Variants in SLC2A4RG observed in about 807,000 individuals in gnomAD.
SLC2A4RG encodes the protein SLC2A4 regulator.
In SLC2A4RG, 23 loss-of-function variants were observed where a neutral mutation model predicts 35.5. The ratio of observed to expected loss-of-function variants is 0.65; its 90% CI spans 0.47 to 0.92. SLC2A4RG has a LOEUF of 0.92. Among genes scored for constraint, SLC2A4RG ranks in the 40% least tolerant of loss-of-function variants. The probability of loss-of-function intolerance (pLI) is 0.00; values close to 1 mark genes in which losing one functional copy is unlikely to be tolerated. For synonymous variants in SLC2A4RG, 306 were observed against 243.7 expected, an observed-to-expected ratio of 1.26 and a Z score of -2.38; for missense variants, 539 against 525.0, an observed-to-expected ratio of 1.03 and a Z score of -0.26.
Position 63,742,548 on chromosome 20 carries a change from T to TGCCCCCGCCCCC in SLC2A4RG, c.894_905dup (p.Pro299_Pro302dup), listed in dbSNP as rs1568813808. ...CCCCTGCGGCCGCCTGCCCCGCCCC[T>TGCCCCCGCCCCC]GCCCCCGCCCCCTGTCCTGAGCACC... On this transcript the variant is annotated inframe_insertion, in exon 6 of 8. Coordinates refer to ENST00000266077, the MANE Select transcript of SLC2A4RG (RefSeq NM_020062.4). The TGCCCCCGCCCCC allele has an allele frequency of 3.9e-6, 6 of 1,524,166 alleles. No homozygotes were observed. The highest frequency in any genetic ancestry group is 3.7e-5 in the Admixed American group (2 of 54,086). The allele number at this position is 1,524,166 out of a possible 1,614,324, so 94.4% of individuals were successfully genotyped here.
rs2145724366 is a variant in SLC2A4RG at position 63,742,946 on chromosome 20, A to G, written c.1120A>G (p.Thr374Ala). 1.9e-6 allele frequency: 3 copies of G among 1,612,168 alleles called. No individual in the cohort carries two copies. Among genetic ancestry groups the G allele is most frequent in the Non-Finnish European group, 2.5e-6 (3 of 1,179,536 alleles). ...CATGGAGCGCCGGGACCTCTGGTGC[A>G]CAGCCTGCCGCTGGAAGAAAGCCTG... is the stretch of plus-strand genomic sequence containing the variant. ...YGMERRDLWCTACRWKKACQR... is the reference protein window; with the variant it reads ...YGMERRDLWCAACRWKKACQR... The change falls in exon 8 of 8, where the codon ACA (threonine) becomes GCA (alanine). Residue 374 changes from threonine (T) to alanine (A), a missense_variant. Transcript: ENST00000266077.
At position 63,742,745 on chromosome 20, in the gene SLC2A4RG, G is replaced by A. The variant is rs1382471542; in HGVS notation, c.1007G>A (p.Gly336Glu). The A allele has an allele frequency of 8.8e-6, 14 of 1,595,818 alleles. No homozygotes were observed. The highest frequency in any genetic ancestry group is 1.2e-5 in the Non-Finnish European group (14 of 1,172,638). Residue 336 changes from glycine (G) to glutamate (E), a missense_variant, in exon 7 of 8, where the codon GGA becomes GAA. Gly to Glu is a moderately conservative substitution (Grantham distance 98). Transcript: ENST00000266077. ...CTGGAGCCGCAGCCCACGGAGGTCG[G>A]AGCCTGCCCACCCGCCTTGTCCTCC... Reference protein sequence around the residue: ...ARLEPQPTEVGACPPALSSRI... With the variant: ...ARLEPQPTEVEACPPALSSRI...
In SLC2A4RG at chr20:63,743,231, A is replaced by C; in HGVS notation, c.*241A>C. The C allele has an allele frequency of 3.3e-5, 13 of 391,652 alleles. No individual in the cohort carries two copies. Among genetic ancestry groups the C allele is most frequent in the East Asian group, 8.7e-5 (2 of 22,994 alleles). The allele number at this position is 391,652 out of a possible 1,614,324, so 24.3% of individuals were successfully genotyped here. On this transcript the variant is annotated 3_prime_UTR_variant, in exon 8 of 8. Coordinates refer to ENST00000266077, the MANE Select transcript of SLC2A4RG (RefSeq NM_020062.4). ...GCTTTTTGCACTAAAGCCAAACCACACCGCTGTCCCCTTAGCCCCAAGGGC... is the reference window on the plus strand; with the variant it reads ...GCTTTTTGCACTAAAGCCAAACCACCCCGCTGTCCCCTTAGCCCCAAGGGC...
At chr20:63,741,521 A>C (rs761520872) in intron 3 of SLC2A4RG, 42 bp downstream of exon 3, 1 of 1,561,070 alleles carries the variant, frequency 6.4e-7, no homozygotes, top group Admixed American at 1.7e-5. Context: ...GGGTGGGGAC[A>C]GGGCTCAGAA....
chr20:63,743,009 C>G lies in SLC2A4RG; in HGVS notation c.*19C>G. On this transcript the variant is annotated 3_prime_UTR_variant, in exon 8 of 8. Transcript: ENST00000266077. ...GGACTAAGTCCGGCTCGTTCAAGAA[C>G]ATAAGCTACCACCTTCTCCCTCCCC... 8.9e-6 allele frequency: 14 copies of G among 1,580,306 alleles called. No individual in the cohort carries two copies. The highest frequency in any genetic ancestry group is 1.1e-5 in the Non-Finnish European group (13 of 1,160,186).
chr20:63,740,325 C>T (rs1282700298), intron 1 of SLC2A4RG, 52 bp from the exon 2 acceptor site: 6 of 1,145,146 alleles, frequency 5.2e-6, no homozygotes, highest in East Asian at 6.6e-5. Context: ...GTTGAGGGAC[C>T]CCCCTCCCCC....
In SLC2A4RG at chr20:63,742,607, G is replaced by C. The variant is rs557487359; in HGVS notation, c.952G>C (p.Val318Leu). 47 of 1,575,938 alleles carry C rather than the reference G, an allele frequency of 3.0e-5. No homozygotes were observed. In the South Asian group the frequency reaches 4.6e-4, roughly 16 times the overall value. Residue 318 changes from valine (V) to leucine (L), a missense_variant, in exon 6 of 8, where the codon GTC becomes CTC. By Grantham distance (32) the Val-to-Leu change is conservative (BLOSUM62 1). Coordinates refer to ENST00000266077, the MANE Select transcript of SLC2A4RG (RefSeq NM_020062.4). ...ANPQSCHSDR[V>L]YQGCLTPARL... ...CCCCCAGTCCTGTCACAGTGACCGTGTCTACCAGGTGGGTGAGGCCACGGG... is the reference window on the plus strand; with the variant it reads ...CCCCCAGTCCTGTCACAGTGACCGTCTCTACCAGGTGGGTGAGGCCACGGG...
rs201680132 is a variant in SLC2A4RG at position 63,742,465 on chromosome 20, G to C, written c.810G>C (p.Pro270=). The change falls in exon 6 of 8, where the codon CCG becomes CCC. Residue 270 remains proline, a synonymous_variant. Coordinates refer to ENST00000266077, the MANE Select transcript of SLC2A4RG (RefSeq NM_020062.4). The part of the protein sequence containing the change: ...LTPVSPTASM[P]PAFPRLELPE... ...CAGTGTCCCCCACGGCCTCCATGCC[G>C]CCTGCCTTCCCCCGCCTGGAGCTGC... 6.3e-6 allele frequency: 10 copies of C among 1,593,440 alleles called. No individual in the cohort carries two copies. Among genetic ancestry groups the C allele is most frequent in the Non-Finnish European group, 8.5e-6 (10 of 1,170,736 alleles).
In SLC2A4RG at chr20:63,743,035, A is replaced by C; in HGVS notation, c.*45A>C. On this transcript the variant is annotated 3_prime_UTR_variant, in exon 8 of 8. Coordinates refer to ENST00000266077, the MANE Select transcript of SLC2A4RG (RefSeq NM_020062.4). ...ATAAGCTACCACCTTCTCCCTCCCC[A>C]CCCCCTCCAGGCCCGGGGCTGAAAC... 2.5e-5 allele frequency: 31 copies of C among 1,224,548 alleles called. No homozygotes were observed. The highest frequency in any genetic ancestry group is 2.7e-5 in the Non-Finnish European group (25 of 940,568). 75.9% of individuals were successfully genotyped at this position (1,224,548 alleles called of 1,614,324 possible). A position where few individuals can be genotyped will look rare whatever the true frequency, so the allele number is the denominator to read the frequency against.
Position 63,742,115 on chromosome 20 carries a change from C to G in SLC2A4RG, c.580-15C>G, listed in dbSNP as rs757569741. 6.2e-7 allele frequency: 1 copy of G among 1,602,848 alleles called. No individual in the cohort carries two copies. Among genetic ancestry groups the G allele is most frequent in the Admixed American group, 1.7e-5 (1 of 58,816 alleles). On this transcript the variant is annotated splice_polypyrimidine_tract_variant and intron_variant, in intron 4 of 7. Coordinates refer to ENST00000266077, the MANE Select transcript of SLC2A4RG (RefSeq NM_020062.4). ...GTGTGGCGGCTGAGCCTGACCCTGGCCCCTGTTGCTGCAGAGCCCGGCCCA... is the reference window on the plus strand; with the variant it reads ...GTGTGGCGGCTGAGCCTGACCCTGGGCCCTGTTGCTGCAGAGCCCGGCCCA...
At chr20:63,741,708 C>A (rs2145722540) in intron 3 of SLC2A4RG, among the ~76,000 whole-genome samples, 161 bp from the exon 4 acceptor site, 1 of 152,352 alleles carries the variant, frequency 6.6e-6, no homozygotes. Context: ...TCTGCCAACC[C>A]TTTCCTGTGC....
chr20:63,739,827 G>GCGGCCCGGC lies in SLC2A4RG; in HGVS notation c.-84_-76dup. On this transcript the variant is annotated 5_prime_UTR_variant, in exon 1 of 8. Transcript: ENST00000266077. ...GCGGCCGGATCCAGGGCGGGGGTCG[G>GCGGCCCGGC]CGGCCCGGCCAGCCCGGCCCGGCCC... 1 of 975,866 alleles carries GCGGCCCGGC rather than the reference G, an allele frequency of 1.0e-6. No homozygotes were observed. The highest frequency in any genetic ancestry group is 1.2e-6 in the Non-Finnish European group (1 of 825,840). The allele number at this position is 975,866 out of a possible 1,614,324, so 60.5% of individuals were successfully genotyped here.
rs1350093243 is a variant in SLC2A4RG, at chr20:63,739,812, C to T, written c.-101C>T. 1.0e-6 allele frequency: 1 copy of T among 973,358 alleles called. No homozygotes were observed. Among genetic ancestry groups the T allele is most frequent in the East Asian group, 1.2e-4 (1 of 8,358 alleles). The allele number at this position is 973,358 out of a possible 1,614,324, so 60.3% of individuals were successfully genotyped here. ...GGCGCGGCGCGGGCGGCGGCCGGAT[C>T]CAGGGCGGGGGTCGGCGGCCCGGCC... On this transcript the variant is annotated 5_prime_UTR_variant, in exon 1 of 8. Transcript: ENST00000266077.
rs1015743280 is a variant in SLC2A4RG, at chr20:63,739,976, T to A, written c.64T>A (p.Trp22Arg). The A allele has an allele frequency of 2.2e-4, 213 of 979,408 alleles. 1 individual carries two copies. Among genetic ancestry groups the A allele is most frequent in the Non-Finnish European group, 2.4e-4 (201 of 827,870 alleles). The allele number at this position is 979,408 out of a possible 1,614,324, so 60.7% of individuals were successfully genotyped here. The change falls in exon 1 of 8, where the codon TGG (tryptophan) becomes AGG (arginine). Residue 22 changes from tryptophan to arginine, a missense_variant. Coordinates refer to ENST00000266077, the MANE Select transcript of SLC2A4RG (RefSeq NM_020062.4). The part of the protein sequence containing the change: ...DPSALRAEAP[W>R]LRAEGPGPRA... ...CAGTGCGCTGCGGGCCGAGGCGCCGTGGCTGCGCGCGGAGGGTCCGGGGCC... is the reference window on the plus strand; with the variant it reads ...CAGTGCGCTGCGGGCCGAGGCGCCGAGGCTGCGCGCGGAGGGTCCGGGGCC...
At position 63,743,095 on chromosome 20, in the gene SLC2A4RG, A is replaced by C; in HGVS notation, c.*105A>C. 1.4e-5 allele frequency: 3 copies of C among 219,196 alleles called. No individual in the cohort carries two copies. The highest frequency in any genetic ancestry group is 1.2e-4 in the East Asian group (1 of 8,226). The allele number at this position is 219,196 out of a possible 1,614,324, so 13.6% of individuals were successfully genotyped here. On this transcript the variant is annotated 3_prime_UTR_variant, in exon 8 of 8. Coordinates refer to ENST00000266077, the MANE Select transcript of SLC2A4RG (RefSeq NM_020062.4). Reference sequence around the variant, plus strand: ...ACAGCCCCAGGGGCTGGCTTTCACCAGCTGCAGGGTCTGCTTTTACTTGGG... The same window carrying C: ...ACAGCCCCAGGGGCTGGCTTTCACCCGCTGCAGGGTCTGCTTTTACTTGGG...
rs890677841 is a variant in SLC2A4RG at position 63,743,486 on chromosome 20, G to C, written c.*496G>C. On this transcript the variant is annotated 3_prime_UTR_variant, in exon 8 of 8. Coordinates refer to ENST00000266077, the MANE Select transcript of SLC2A4RG (RefSeq NM_020062.4). ...GCACCAGGCGAAGAGAGAAATTAAAGATTTGAGGTTTTTCCAGAAGCTTTG... is the reference window on the plus strand; with the variant it reads ...GCACCAGGCGAAGAGAGAAATTAAACATTTGAGGTTTTTCCAGAAGCTTTG... The C allele has an allele frequency of 6.5e-6, 1 of 153,150 alleles. No individual in the cohort carries two copies. Among genetic ancestry groups the C allele is most frequent in the Admixed American group, 6.5e-5 (1 of 15,346 alleles). The allele number at this position is 153,150 out of a possible 1,614,324, so 9.5% of individuals were successfully genotyped here. A position where few individuals can be genotyped will look rare whatever the true frequency, so the allele number is the denominator to read the frequency against.
chr20:63,742,484 G>C lies in SLC2A4RG; in HGVS notation c.829G>C (p.Glu277Gln). The C allele has an allele frequency of 6.3e-7, 1 of 1,576,552 alleles. No homozygotes were observed. Among genetic ancestry groups the C allele is most frequent in the Non-Finnish European group, 8.6e-7 (1 of 1,161,842 alleles). Residue 277 changes from glutamate (E) to glutamine (Q), a missense_variant, in exon 6 of 8, where the codon GAG (glutamate) becomes CAG (glutamine). Transcript: ENST00000266077. ...ASMPPAFPRL[E>Q]LPELLEPPAL... ...CATGCCGCCTGCCTTCCCCCGCCTG[G>C]AGCTGCCAGAGCTGCTGGAGCCCCC...
At chr20:63,741,783 C>G in intron 3 of SLC2A4RG, 86 bp from the exon 4 acceptor site, 1 of 1,463,106 alleles carries the variant, frequency 6.8e-7, no homozygotes, top group Non-Finnish European at 9.0e-7. Context: ...CCAGTCTCAC[C>G]GGACTTGGTG....
At position 63,742,215 on chromosome 20, in the gene SLC2A4RG, G is replaced by T; in HGVS notation, c.665G>T (p.Arg222Leu). ...STASAMQRHI[R>L]LVHLGRQAEP... ...GCGTCGGCGATGCAGAGACACATCC[G>T]CCTGGTGCACCTGGGGTGCGGCGGG... is the stretch of plus-strand genomic sequence containing the variant. Residue 222 changes from arginine to leucine, a missense_variant, in exon 5 of 8, where the codon CGC becomes CTC. By Grantham distance (102) the Arg-to-Leu change is moderately radical. Coordinates refer to ENST00000266077, the MANE Select transcript of SLC2A4RG (RefSeq NM_020062.4). 1.9e-6 allele frequency: 3 copies of T among 1,596,388 alleles called. No individual in the cohort carries two copies. Among genetic ancestry groups the T allele is most frequent in the Non-Finnish European group, 1.7e-6 (2 of 1,171,922 alleles).
Sources: allele counts gnomAD v4.1 joint callset (sites outside exome capture counted in the v4.1 genomes callset), GRCh38; gene constraint gnomAD v4.1.1; transcripts MANE v1.5; gene names NCBI Gene and HGNC (gene_info 2026-07-23, HGNC 2026-07-21).